RALGAPA1: variants seen among roughly 807,000 people sequenced by gnomAD.
RALGAPA1 encodes the protein ral GTPase-activating protein subunit alpha-1.
A neutral mutation model predicts 269.6 loss-of-function variants in RALGAPA1; 52 were observed. The ratio of observed to expected loss-of-function variants is 0.19; its 90% CI spans 0.15 to 0.24. The LOEUF (loss-of-function observed/expected upper bound fraction) is 0.24, where lower values mean the gene tolerates loss of function less well. RALGAPA1 is among the 10% of genes least tolerant of loss of function. The pLI is 1.00. For missense variants in RALGAPA1, 1,917 were observed against 3,013.9 expected (o/e 0.64, Z 8.52); for synonymous variants, 817 against 1,008.3 (o/e 0.81, Z 3.60).
At chr14:35,772,690 C>T (rs1325918109) in intron 3 of RALGAPA1, among the ~76,000 whole-genome samples, 1 of 152,086 alleles carries the variant, frequency 6.6e-6, no homozygotes, top group Non-Finnish European at 1.5e-5. Context: ...TTGCATTAAT[C>T]CTTGCAATCA....
intron 29 of RALGAPA1, 60 bp downstream of exon 29, chr14:35,655,747 G>A: frequency 6.4e-7 from 1 of 1,561,266 alleles, no homozygotes; most frequent in Non-Finnish European, 8.6e-7. Flanking sequence ...ATTAATATTT[G>A]GAGAAAAAAA....
chr14:35,555,036 T>C (rs1278948159), intron 39 of RALGAPA1, among the ~76,000 whole-genome samples: 1 of 152,326 alleles, frequency 6.6e-6, no homozygotes, highest in Admixed American at 6.5e-5. Context: ...GGAACTTTCC[T>C]AGAACTGGAT....
intron 33 of RALGAPA1, among the ~76,000 whole-genome samples, chr14:35,630,614 G>C (rs553586903): frequency 6.6e-6 from 1 of 152,158 alleles, no homozygotes; most frequent in South Asian, 2.1e-4. Context: ...CCAATTAATG[G>C]CTGGGTGTGG....
At chr14:35,608,465 C>A (rs1015555721) in intron 35 of RALGAPA1, among the ~76,000 whole-genome samples, 8 of 152,088 alleles carry the variant, frequency 5.3e-5, no homozygotes, top group Admixed American at 5.2e-4. Context: ...CACCAACCAA[C>A]AATATATTTT....
At chr14:35,682,625 A>G (rs1199024935) in intron 21 of RALGAPA1, among the ~76,000 whole-genome samples, 1 of 152,036 alleles carries the variant, frequency 6.6e-6, no homozygotes, top group Admixed American at 6.6e-5. Context: ...TTTAACTTGA[A>G]CAATTTCAGT....
At position 35,789,269 on chromosome 14, in the gene RALGAPA1, A is replaced by G. The variant is rs1165813556; in HGVS notation, c.107-13524T>C. Among the ~76,000 whole-genome samples, 18 of 151,972 alleles carry G rather than the reference A, an allele frequency of 1.2e-4. No individual in the cohort carries two copies. In the East Asian group the frequency reaches 3.1e-3, roughly 26 times the overall value. ...ACGGCACAGGTATCACAGACTATAC[A>G]TGTAAAGGATCTAGAATGCACCCTC... On this transcript the variant is annotated intron_variant, in intron 1 of 41. Coordinates refer to ENST00000680220, the MANE Select transcript of RALGAPA1 (RefSeq NM_001346249.2).
chr14:35,547,330 C>T (rs1051199477), intron 41 of RALGAPA1, among the ~76,000 whole-genome samples: 1 of 152,112 alleles, frequency 6.6e-6, no homozygotes, highest in African/African-American at 2.4e-5. Context: ...AGATACTACT[C>T]ACTTCCACAA....
chr14:35,778,800 C>T (rs533660258), intron 1 of RALGAPA1, among the ~76,000 whole-genome samples: 9 of 152,150 alleles, frequency 5.9e-5, no homozygotes, highest in Non-Finnish European at 1.0e-4. Flanking sequence ...TGACTTTTCA[C>T]AGAACTAGAC....
intron 31 of RALGAPA1, 43 bp from the exon 32 acceptor site, chr14:35,635,641 T>C (rs776108755): frequency 6.9e-7 from 1 of 1,444,628 alleles, no homozygotes; most frequent in Admixed American, 2.6e-5. Context: ...ATTCATAAAA[T>C]ATATGCTTCT....
chr14:35,660,493 A>G (rs1193303677), intron 27 of RALGAPA1, among the ~76,000 whole-genome samples: 1 of 152,144 alleles, frequency 6.6e-6, no homozygotes, highest in East Asian at 1.9e-4. Context: ...ACACTGAGGA[A>G]AGAAACAGAA....
chr14:35,650,350 A>C (rs1399759574), intron 31 of RALGAPA1, among the ~76,000 whole-genome samples: 1 of 152,134 alleles, frequency 6.6e-6, no homozygotes, highest in East Asian at 1.9e-4. Context: ...GTGCCACAGT[A>C]CTCCAGCTTG....
At chr14:35,624,030 T>C (rs1249553797) in intron 35 of RALGAPA1, among the ~76,000 whole-genome samples, 1 of 150,238 alleles carries the variant, frequency 6.7e-6, no homozygotes, top group Non-Finnish European at 1.5e-5. Flanking sequence ...GAGGTTGCAG[T>C]GAGCCGAGAT....
chr14:35,672,353 G>C (rs1030711159), intron 25 of RALGAPA1, among the ~76,000 whole-genome samples: 4 of 151,872 alleles, frequency 2.6e-5, no homozygotes, highest in Non-Finnish European at 5.9e-5. Flanking sequence ...TAATTCTAAG[G>C]TTATATTTAT....
intron 26 of RALGAPA1, among the ~76,000 whole-genome samples, chr14:35,665,428 G>T (rs930878236): frequency 2.6e-5 from 4 of 151,824 alleles, no homozygotes; most frequent in Non-Finnish European, 5.9e-5. Context: ...CTAATATATT[G>T]TTTTATTTAC....
chr14:35,769,062 A>G (rs2074407626), intron 4 of RALGAPA1, among the ~76,000 whole-genome samples: 1 of 138,346 alleles, frequency 7.2e-6, no homozygotes, highest in Non-Finnish European at 1.5e-5. Context: ...ATATATATAT[A>G]TATACACACA....
intron 31 of RALGAPA1, among the ~76,000 whole-genome samples, chr14:35,648,629 C>T (rs147988791): frequency 3.3e-5 from 5 of 151,254 alleles, no homozygotes; most frequent in Non-Finnish European, 7.4e-5. Context: ...TAGCAAAACC[C>T]CATCTCTACT....
chr14:35,602,030 A>G (rs2059320075), intron 36 of RALGAPA1, among the ~76,000 whole-genome samples: 1 of 152,146 alleles, frequency 6.6e-6, no homozygotes, highest in Admixed American at 6.5e-5. Flanking sequence ...GTCTCTATAA[A>G]TACACCTATT....
rs1341592545 is a variant in RALGAPA1, at chr14:35,760,874, G to C, written c.502C>G (p.Arg168Gly). Reference sequence around the variant, plus strand: ...GGATTAATGAGATTATCTAAAGTTCGAGGTCCATGTTCAGACTGTGGTGCT... The same window carrying C: ...GGATTAATGAGATTATCTAAAGTTCCAGGTCCATGTTCAGACTGTGGTGCT... ...FSAPQSEHGPRTLDNLINPPL... is the reference protein window; with the variant it reads ...FSAPQSEHGPGTLDNLINPPL... The change falls in exon 6 of 42, where the codon CGA (arginine) becomes GGA (glycine). Residue 168 changes from arginine (R) to glycine (G), a missense_variant. Transcript: ENST00000680220. The C allele has an allele frequency of 3.1e-6, 5 of 1,611,902 alleles. No individual in the cohort carries two copies. Among genetic ancestry groups the C allele is most frequent in the Non-Finnish European group, 4.2e-6 (5 of 1,179,098 alleles).
chr14:35,560,112 A>G (rs1403285449), intron 39 of RALGAPA1, among the ~76,000 whole-genome samples: 1 of 152,228 alleles, frequency 6.6e-6, no homozygotes, highest in Admixed American at 6.5e-5. Flanking sequence ...GAAAATGAAA[A>G]ATAAGAAATT....
Sources: gnomAD v4.1 joint callset for allele counts (sites outside exome capture counted in the v4.1 genomes callset) on GRCh38, gnomAD v4.1.1 for gene constraint, MANE v1.5 for transcripts, NCBI Gene and HGNC (gene_info 2026-07-23, HGNC 2026-07-21) for gene names.